Variants in COL23A1 observed in about 807,000 individuals in gnomAD.
COL23A1 encodes collagen type XXIII alpha 1 chain.
A neutral mutation model predicts 99.3 loss-of-function variants in COL23A1; 97 were observed. The observed-to-expected ratio is 0.98, with a 90% CI of 0.83 to 1.16. The LOEUF (loss-of-function observed/expected upper bound fraction) is 1.16. Among genes scored for constraint, COL23A1 ranks in the 50% most tolerant of loss-of-function variants. The pLI is 0.00. For missense variants in COL23A1, 762 were observed against 757.4 expected, an observed-to-expected ratio of 1.01 and a Z score of -0.07; for synonymous variants, 320 against 308.2, an observed-to-expected ratio of 1.04 and a Z score of -0.40.
At chr5:178,267,394 G>T in intron 7 of COL23A1, 61 bp from the exon 8 acceptor site, 1 of 1,563,120 alleles carries the variant, frequency 6.4e-7, no homozygotes, top group Non-Finnish European at 8.8e-7. Flanking sequence ...CACATTTCCC[G>T]TCGGGCATCT....
chr5:178,336,723 T>C (rs991153329), intron 2 of COL23A1, among the ~76,000 whole-genome samples: 1 of 152,250 alleles, frequency 6.6e-6, no homozygotes, highest in African/African-American at 2.4e-5. Context: ...TTTTATGTGA[T>C]GTGAATTTCA....
chr5:178,478,686 A>G (rs1326584241), intron 2 of COL23A1, among the ~76,000 whole-genome samples: 1 of 152,164 alleles, frequency 6.6e-6, no homozygotes, highest in African/African-American at 2.4e-5. Context: ...TTTTCAATTA[A>G]TATTTGGGAA....
intron 3 of COL23A1, among the ~76,000 whole-genome samples, chr5:178,294,209 G>A (rs1024874887): frequency 2.0e-5 from 3 of 151,454 alleles, no homozygotes; most frequent in East Asian, 3.9e-4. Context: ...TGCCTTCCAC[G>A]TGGTGATCTG....
At chr5:178,531,347 C>T (rs1760638218) in intron 2 of COL23A1, among the ~76,000 whole-genome samples, 1 of 152,174 alleles carries the variant, frequency 6.6e-6, no homozygotes, top group Non-Finnish European at 1.5e-5. Flanking sequence ...GGTGGGAACC[C>T]AGGTCTCTTG....
chr5:178,341,037 C>T (rs75130459), intron 2 of COL23A1, among the ~76,000 whole-genome samples: 4,134 of 152,334 alleles, frequency 0.027, 93 homozygotes, highest in East Asian at 0.097. Context: ...GACAATTGGG[C>T]TGACCTTTTG....
In COL23A1 at chr5:178,498,252, A is replaced by ATATATATATG. The variant is rs1758331236; in HGVS notation, c.361+62429_361+62430insCATATATATA. Reference sequence around the variant, plus strand: ...TATATATATATATATATATATATATATATATAAAAGAACTTAAAAATAAAA... The same window carrying ATATATATATG: ...TATATATATATATATATATATATATATATATATATGTATATAAAAGAACTTAAAAATAAAA... On this transcript the variant is annotated intron_variant, in intron 2 of 28. Transcript: ENST00000390654. Among the ~76,000 whole-genome samples the ATATATATATG allele has an allele frequency of 5.6e-5, 4 of 71,120 alleles. 1 individual carries two copies. Among genetic ancestry groups the ATATATATATG allele is most frequent in the South Asian group, 1.2e-3 (2 of 1,714 alleles). The allele number at this position is 71,120 out of a possible 152,430, so 46.7% of individuals were successfully genotyped here. A position where few individuals can be genotyped will look rare whatever the true frequency, so the allele number is the denominator to read the frequency against.
intron 2 of COL23A1, among the ~76,000 whole-genome samples, chr5:178,545,347 G>C (rs1761524407): frequency 1.3e-5 from 2 of 152,138 alleles, no homozygotes; most frequent in South Asian, 4.1e-4. Flanking sequence ...TACTTCTAAA[G>C]ACATGACCGG....
At chr5:178,358,464 T>G (rs1489052773) in intron 2 of COL23A1, among the ~76,000 whole-genome samples, 1 of 150,420 alleles carries the variant, frequency 6.6e-6, no homozygotes, top group Non-Finnish European at 1.5e-5. Context: ...TATGCGTATG[T>G]GTATGTGCGT....
At chr5:178,241,973 G>T in intron 27 of COL23A1, 69 bp downstream of exon 27, 1 of 1,216,704 alleles carries the variant, frequency 8.2e-7, no homozygotes, top group Non-Finnish European at 1.2e-6. Context: ...CCGAGGACAG[G>T]GAAGATGTTG....
intron 2 of COL23A1, among the ~76,000 whole-genome samples, chr5:178,482,684 G>A (rs1354088551): frequency 6.6e-6 from 1 of 152,178 alleles, no homozygotes; most frequent in Non-Finnish European, 1.5e-5. Context: ...ACGAGGTCAG[G>A]AGATCGAGAC....
At chr5:178,461,001 C>T (rs949664704) in intron 2 of COL23A1, among the ~76,000 whole-genome samples, 10 of 152,122 alleles carry the variant, frequency 6.6e-5, no homozygotes, top group African/African-American at 1.9e-4. Context: ...ATGGGAAAGT[C>T]GGATGGCAGC....
chr5:178,507,138 C>T (rs753061568), intron 2 of COL23A1, among the ~76,000 whole-genome samples: 4 of 152,172 alleles, frequency 2.6e-5, no homozygotes, highest in Non-Finnish European at 5.9e-5. Context: ...CTATTTCCTC[C>T]TTTTTCTTAT....
At chr5:178,511,233 A>G (rs1759189651) in intron 2 of COL23A1, among the ~76,000 whole-genome samples, 1 of 152,228 alleles carries the variant, frequency 6.6e-6, no homozygotes, top group Non-Finnish European at 1.5e-5. Flanking sequence ...ACTGAGGAAC[A>G]GATCAAAGCC....
Position 178,589,935 on chromosome 5 carries a change from G to A in COL23A1, c.263C>T (p.Ala88Val). Reference sequence around the variant, plus strand: ...CAGCAGGCGCTCCAGGTGCGGCTCGGCCCAGGCGTCCAGGGCGCCTGGCGG... The same window carrying A: ...CAGCAGGCGCTCCAGGTGCGGCTCGACCCAGGCGTCCAGGGCGCCTGGCGG... The part of the protein sequence containing the change: ...AGPPGALDAW[A>V]EPHLERLLRE... The change falls in exon 1 of 29, where the codon GCC (alanine) becomes GTC (valine). Residue 88 changes from alanine to valine, a missense_variant. Transcript: ENST00000390654. The surrounding 1 kb of genome is among the most constrained non-coding windows in gnomAD (Gnocchi z 5.4). 2 of 1,329,882 alleles carry A rather than the reference G, an allele frequency of 1.5e-6. No individual in the cohort carries two copies. Among genetic ancestry groups the A allele is most frequent in the South Asian group, 2.0e-5 (1 of 49,620 alleles). The allele number at this position is 1,329,882 out of a possible 1,614,324, so 82.4% of individuals were successfully genotyped here.
At position 178,311,738 on chromosome 5, in the gene COL23A1, GTTTTT is replaced by G. The variant is rs146117577; in HGVS notation, c.362-4824_362-4820del. 1.6e-4 allele frequency among the ~76,000 whole-genome samples: 5 copies of G among 32,050 alleles called. 1 individual carries two copies. Among genetic ancestry groups the G allele is most frequent in the African/African-American group, 3.1e-4 (5 of 16,376 alleles). 21.0% of individuals were successfully genotyped at this position (32,050 alleles called of 152,430 possible). A position where few individuals can be genotyped will look rare whatever the true frequency, so the allele number is the denominator to read the frequency against. The stretch of plus-strand genomic sequence containing the variant: ...ACTGTTTTTTGTTTTGTTTTGTTTT[GTTTTT>G]TTTTTGAGACGGAGTCTCACTCTGT... On this transcript the variant is annotated intron_variant, in intron 2 of 28. Transcript: ENST00000390654.
intron 2 of COL23A1, among the ~76,000 whole-genome samples, chr5:178,343,669 T>A (rs1286490496): frequency 1.2e-4 from 17 of 145,460 alleles, no homozygotes; most frequent in African/African-American, 2.4e-4. Flanking sequence ...ATATATTTTT[T>A]TTTTTTTTTG....
intron 2 of COL23A1, among the ~76,000 whole-genome samples, chr5:178,458,479 C>G (rs1192274670): frequency 6.6e-6 from 1 of 151,894 alleles, no homozygotes; most frequent in Non-Finnish European, 1.5e-5. Context: ...TTGACTAAAA[C>G]TATAAAAATC....
chr5:178,312,945 C>T (rs1007407597), intron 2 of COL23A1, among the ~76,000 whole-genome samples: 1 of 152,186 alleles, frequency 6.6e-6, no homozygotes, highest in East Asian at 1.9e-4. Flanking sequence ...GGAAGCAACC[C>T]AAACGTCCAC....
chr5:178,379,366 A>G (rs1763250700), intron 2 of COL23A1, among the ~76,000 whole-genome samples: 2 of 152,172 alleles, frequency 1.3e-5, no homozygotes, highest in South Asian at 4.1e-4. Context: ...CTCTACGTGC[A>G]CTGTGTACCT....
Sources: allele counts gnomAD v4.1 joint callset (sites outside exome capture counted in the v4.1 genomes callset), GRCh38; gene constraint gnomAD v4.1.1; non-coding constraint Gnocchi (gnomAD v3.1); transcripts MANE v1.5; gene names NCBI Gene and HGNC (gene_info 2026-07-23, HGNC 2026-07-21).